MAPRE2: variants seen among roughly 807,000 people sequenced by gnomAD.
MAPRE2 encodes microtubule-associated protein RP/EB family member 2.
Under a neutral mutation model 43.2 loss-of-function variants are expected in MAPRE2, and 13 were observed. That is an observed-to-expected ratio of 0.30 (90% CI 0.20 to 0.48). MAPRE2 has a LOEUF of 0.48. MAPRE2 is among the 20% of genes least tolerant of loss of function. The pLI is 0.99. For synonymous variants in MAPRE2, 135 were observed against 148.8 expected (o/e 0.91, Z 0.68); for missense variants, 161 against 400.2 (o/e 0.40, Z 5.10).
chr18:34,985,865 A>G (rs1269663515), intron 1 of MAPRE2, among the ~76,000 whole-genome samples: 1 of 150,256 alleles, frequency 6.7e-6, no homozygotes, highest in Non-Finnish European at 1.5e-5. Flanking sequence ...TATGAAATAT[A>G]TAGCCTATTC....
intron 1 of MAPRE2, among the ~76,000 whole-genome samples, chr18:34,991,820 G>A (rs1437343389): frequency 6.6e-6 from 1 of 152,164 alleles, no homozygotes; most frequent in African/African-American, 2.4e-5. Flanking sequence ...AGCCATGCGG[G>A]ATAGGTAAAA....
At chr18:35,126,683 G>A (rs1909916779) in intron 4 of MAPRE2, among the ~76,000 whole-genome samples, 2 of 151,930 alleles carry the variant, frequency 1.3e-5, no homozygotes, top group Non-Finnish European at 2.9e-5. Context: ...ATCTCCAGAG[G>A]GAGAAGGGAC....
chr18:35,135,426 A>G (rs185618949), intron 6 of MAPRE2, among the ~76,000 whole-genome samples: 332 of 152,084 alleles, frequency 2.2e-3, no homozygotes, highest in African/African-American at 7.7e-3. Flanking sequence ...CCAAGAAATC[A>G]TCCTAGATAT....
In MAPRE2 at chr18:35,046,618, A is replaced by G. The variant is rs114799405; in HGVS notation, c.122+4957A>G. ...ATTGACTGAAGATAGTGTAATGAAA[A>G]CAGATGCCTACTGCAGTGGATCTTC... On this transcript the variant is annotated intron_variant, in intron 1 of 6. Transcript: ENST00000300249. Among the ~76,000 whole-genome samples, 1,371 of 152,280 alleles carry G rather than the reference A, an allele frequency of 9.0e-3. 20 individuals carry two copies. The highest frequency in any genetic ancestry group is 0.031 in the African/African-American group (1,285 of 41,538).
At chr18:34,997,998 C>T (rs1344280654) in intron 1 of MAPRE2, among the ~76,000 whole-genome samples, 1 of 152,128 alleles carries the variant, frequency 6.6e-6, no homozygotes, top group African/African-American at 2.4e-5. Context: ...TTGATTTCCC[C>T]AGTAGTTGTT....
At chr18:35,033,244 A>T (rs1027285795) in intron 2 of MAPRE2, among the ~76,000 whole-genome samples, 3 of 152,258 alleles carry the variant, frequency 2.0e-5, no homozygotes, top group Non-Finnish European at 2.9e-5. Context: ...GCATATAAAC[A>T]GAACCAAAGA....
At chr18:34,978,593 G>C in intron 1 of MAPRE2, 1 of 1,536,498 alleles carries the variant, frequency 6.5e-7, no homozygotes, top group Admixed American at 2.0e-5. Flanking sequence ...CGCTAAATTT[G>C]GCCAAATTTT....
chr18:34,981,887 A>AAT lies in MAPRE2; in HGVS notation c.-70+4808_-70+4809insAT, dbSNP rs1568959672. On this transcript the variant is annotated intron_variant, in intron 1 of 7. Transcript: ENST00000413393. ...TTATTTTTTTTTTTTATTTTTATTT[A>AAT]TTTTTTTTTTTTTTTGAGACGGAGT... Among the ~76,000 whole-genome samples, 19 of 34,826 alleles carry AAT rather than the reference A, an allele frequency of 5.5e-4. No individual in the cohort carries two copies. The South Asian group carries it at 7.1e-3, about 13-fold the overall frequency. 22.8% of individuals were successfully genotyped at this position (34,826 alleles called of 152,430 possible).
chr18:35,092,029 GA>G (rs1908174295), intron 2 of MAPRE2, among the ~76,000 whole-genome samples: 2 of 152,326 alleles, frequency 1.3e-5, no homozygotes, highest in Admixed American at 1.3e-4. Flanking sequence ...GAGCAAGAGA[GA>G]GATGTGGGAG....
chr18:35,113,855 A>G (rs1909289320), intron 4 of MAPRE2, among the ~76,000 whole-genome samples: 1 of 152,202 alleles, frequency 6.6e-6, no homozygotes, highest in Non-Finnish European at 1.5e-5. Context: ...TCATGCCACT[A>G]CACTCCAACC....
intron 4 of MAPRE2, among the ~76,000 whole-genome samples, chr18:35,103,348 GAGA>G (rs533188419): frequency 2.1e-3 from 319 of 152,256 alleles, no homozygotes; most frequent in African/African-American, 7.4e-3. Flanking sequence ...TGGGATAAAA[GAGA>G]AGGAGATGTT....
intron 1 of MAPRE2, among the ~76,000 whole-genome samples, chr18:34,981,970 T>C (rs1298662873): frequency 1.1e-4 from 16 of 150,984 alleles, no homozygotes; most frequent in Admixed American, 2.0e-4. Context: ...CTGCAAGCTC[T>C]GCCTCCCAGG....
chr18:34,977,259 G>C (rs2150567175), intron 1 of MAPRE2, among the ~76,000 whole-genome samples: 1 of 152,296 alleles, frequency 6.6e-6, no homozygotes, highest in East Asian at 1.9e-4. Flanking sequence ...TTGTGCAAGG[G>C]TCGGCTAGGC....
upstream of MAPRE2, among the ~76,000 whole-genome samples, chr18:35,037,252 T>C (rs577602843): frequency 4.0e-4 from 61 of 152,234 alleles, 1 homozygote; most frequent in Middle Eastern, 3.4e-3. Context: ...ATGCCTAACA[T>C]GTTACTTAAA....
chr18:34,996,523 A>AT (rs2097026611), intron 1 of MAPRE2, among the ~76,000 whole-genome samples: 1 of 152,190 alleles, frequency 6.6e-6, no homozygotes, highest in Non-Finnish European at 1.5e-5. Context: ...CCAGCACCCA[A>AT]CATGGTACCT....
At chr18:35,049,963 A>G (rs1398228099) in intron 1 of MAPRE2, among the ~76,000 whole-genome samples, 1 of 152,150 alleles carries the variant, frequency 6.6e-6, no homozygotes, top group Non-Finnish European at 1.5e-5. Context: ...AGGCTTATTT[A>G]TCTGTTTTGC....
intron 1 of MAPRE2, among the ~76,000 whole-genome samples, chr18:34,984,049 A>G (rs916355351): frequency 6.6e-6 from 1 of 152,232 alleles, no homozygotes; most frequent in Non-Finnish European, 1.5e-5. Context: ...TAAAGCTGAC[A>G]TTATGCTGTG....
intron 2 of MAPRE2, among the ~76,000 whole-genome samples, chr18:35,013,839 G>C (rs1188188722): frequency 6.6e-6 from 1 of 152,098 alleles, no homozygotes; most frequent in Admixed American, 6.6e-5. Flanking sequence ...CATCCATGTT[G>C]CTGTGAAAGA....
intron 2 of MAPRE2, among the ~76,000 whole-genome samples, chr18:35,080,982 C>T (rs765307926): frequency 3.3e-5 from 5 of 152,132 alleles, no homozygotes; most frequent in African/African-American, 9.7e-5. Context: ...GAAACTAATG[C>T]GAGTCCTGTT....
Sources: allele counts gnomAD v4.1 joint callset (sites outside exome capture counted in the v4.1 genomes callset), GRCh38; gene constraint gnomAD v4.1.1; transcripts MANE v1.5; gene names NCBI Gene and HGNC (gene_info 2026-07-23, HGNC 2026-07-21).